The following MYT1 variants were observed in gnomAD, a reference collection of about 807,000 sequenced individuals.
MYT1 encodes the protein myelin transcription factor 1, also known as myelin transcription factor I.
Under a neutral mutation model 123.0 loss-of-function variants are expected in MYT1, and 23 were observed. That is an observed-to-expected ratio of 0.19 (90% CI 0.13 to 0.26). The LOEUF is 0.26. Ranked by LOEUF, MYT1 falls within the 10% of genes least tolerant of loss-of-function variation. MYT1 has a pLI of 1.00. For synonymous variants in MYT1, 518 were observed against 575.3 expected (o/e 0.90, Z 1.43); for missense variants, 1,125 against 1,472.5 (o/e 0.76, Z 3.86).
intron 1 of MYT1, among the ~76,000 whole-genome samples, chr20:64,165,240 C>T (rs1366813697): frequency 2.0e-5 from 3 of 151,870 alleles, no homozygotes; most frequent in Admixed American, 6.6e-5. Flanking sequence ...CTCACGTGAA[C>T]GTTTTGTCTG....
chr20:64,180,000 G>A (rs1007408058), intron 1 of MYT1, among the ~76,000 whole-genome samples: 16 of 144,120 alleles, frequency 1.1e-4, no homozygotes, highest in Middle Eastern at 3.8e-3. Flanking sequence ...ACACACATAC[G>A]CCACACACGC....
At chr20:64,239,699 A>G (rs1984654763) in intron 21 of MYT1, 61 bp from the exon 22 acceptor site, 1 of 1,603,404 alleles carries the variant, frequency 6.2e-7, no homozygotes. Flanking sequence ...CAGCCCAGAG[A>G]GGACCCCCAG....
rs1295168724 is a variant in MYT1 at position 64,237,334 on chromosome 20, G to T, written c.3037G>T (p.Asp1013Tyr). ...CAAGCAGCTGAACCAGGAGATCCGA[G>T]ACCTGAACGAGTCCAACTCGGAGAT... The part of the protein sequence containing the change: ...EIKQLNQEIR[D>Y]LNESNSEMEA... The change falls in exon 21 of 23, where the codon GAC becomes TAC. Residue 1013 changes from aspartate (D) to tyrosine (Y), a missense_variant. Asp to Tyr is a radical substitution (Grantham distance 160). This residue lies in a region of MYT1 where 243 missense variants were observed against 323.1 expected (regional missense o/e 0.75). Transcript: ENST00000328439. The T allele has an allele frequency of 1.2e-6, 2 of 1,611,100 alleles. No homozygotes were observed. The highest frequency in any genetic ancestry group is 1.7e-6 in the Non-Finnish European group (2 of 1,179,324).
Position 64,205,754 on chromosome 20 carries a change from T to A in MYT1, c.351T>A (p.Ala117=). 1 of 1,614,152 alleles carries A rather than the reference T, an allele frequency of 6.2e-7. No individual in the cohort carries two copies. Among genetic ancestry groups the A allele is most frequent in the Middle Eastern group, 1.6e-4 (1 of 6,062 alleles). ...ESEGTLEGAE[A]ETSGQDEIHR... ...AAGGAACTCTGGAGGGGGCCGAGGC[T>A]GAGACGTCAGGACAGGACGAGATTC... The change falls in exon 6 of 23, where the codon GCT becomes GCA. Residue 117 remains alanine, a synonymous_variant. Transcript: ENST00000328439.
chr20:64,208,142 G>C lies in MYT1; in HGVS notation c.946G>C (p.Asp316His), dbSNP rs1351575581. The C allele has an allele frequency of 6.2e-7, 1 of 1,612,862 alleles. No homozygotes were observed. The highest frequency in any genetic ancestry group is 1.7e-5 in the Admixed American group (1 of 59,980). ...EAAPDVIFQE[D>H]TSHTSAQKAP... ...AGCTCCTGATGTGATCTTTCAGGAA[G>C]ACACCTCTCACACCTCTGCCCAGAA... Residue 316 changes from aspartate to histidine, a missense_variant, in exon 7 of 23, where the codon GAC becomes CAC. By Grantham distance (81) the Asp-to-His change is moderately conservative (BLOSUM62 -1). Around this residue, in one of 4 missense-constraint regions of MYT1, gnomAD observed 406 missense variants for 432.2 expected, o/e 0.94. Transcript: ENST00000328439. This position sits in a 1 kb window ranked among gnomAD's most constrained non-coding sequence, Gnocchi z 5.4.
At chr20:64,216,588 T>G (rs1405839517) in intron 10 of MYT1, among the ~76,000 whole-genome samples, 1 of 152,252 alleles carries the variant, frequency 6.6e-6, no homozygotes, top group African/African-American at 2.4e-5. Flanking sequence ...GAAATGCACC[T>G]GATACAACTA....
At chr20:64,170,889 A>AGAGAGAGAGAGAGG (rs1982249770) in intron 1 of MYT1, among the ~76,000 whole-genome samples, 1 of 36,656 alleles carries the variant, frequency 2.7e-5, no homozygotes, top group Non-Finnish European at 5.0e-5. Context: ...ATATATAGAG[A>AGAGAGAGAGAGAGG]GAGAGAGAGA....
In MYT1 at chr20:64,186,503, C is replaced by T. The variant is rs903529317; in HGVS notation, c.-98-3560C>T. On this transcript the variant is annotated intron_variant, in intron 1 of 22. Transcript: ENST00000328439. The surrounding 1 kb of genome is among the most constrained non-coding windows in gnomAD (Gnocchi z 4.3). ...GCCATGGTGATGACAACAGCACTGA[C>T]GTCCTCATGGGTTCACTTCCAGGCT... Among the ~76,000 whole-genome samples the T allele has an allele frequency of 5.3e-5, 8 of 152,254 alleles. No individual in the cohort carries two copies. The highest frequency in any genetic ancestry group is 5.9e-5 in the Non-Finnish European group (4 of 68,036).
chr20:64,177,608 T>G lies in MYT1; in HGVS notation c.-98-12455T>G, dbSNP rs148669060. Among the ~76,000 whole-genome samples, 3 of 127,556 alleles carry G rather than the reference T, an allele frequency of 2.4e-5. No individual in the cohort carries two copies. In the South Asian group the frequency reaches 9.8e-4, roughly 42 times the overall value. 83.7% of individuals were successfully genotyped at this position (127,556 alleles called of 152,430 possible). On this transcript the variant is annotated intron_variant, in intron 1 of 22. Transcript: ENST00000328439. ...GCACCCCTCTCCAGGGGTGGGGACATGAGGGCACCCCTCTCCGGGGGCGGG... is the reference window on the plus strand; with the variant it reads ...GCACCCCTCTCCAGGGGTGGGGACAGGAGGGCACCCCTCTCCGGGGGCGGG...
rs545034286 is a variant in MYT1, at chr20:64,169,119, C to A, written c.-99+4380C>A. ...GAGCCTCTCACCTGGTCCTGGGGGA[C>A]CCTCCATGTCTCCCTCAGGGACCCA... On this transcript the variant is annotated intron_variant, in intron 1 of 22. Transcript: ENST00000328439. 2.0e-5 allele frequency among the ~76,000 whole-genome samples: 3 copies of A among 152,304 alleles called. No homozygotes were observed. In the South Asian group the frequency reaches 6.2e-4, roughly 32 times the overall value.
chr20:64,165,670 T>C (rs1183033405), intron 1 of MYT1, among the ~76,000 whole-genome samples: 1 of 152,148 alleles, frequency 6.6e-6, no homozygotes, highest in African/African-American at 2.4e-5. Context: ...TAAAGTTGGG[T>C]GTTTAATTTT....
intron 1 of MYT1, among the ~76,000 whole-genome samples, chr20:64,170,266 T>C (rs1982210705): frequency 6.6e-6 from 1 of 152,162 alleles, no homozygotes; most frequent in Admixed American, 6.5e-5. Flanking sequence ...TGTCTCACAT[T>C]TGAAATCCCG....
intron 1 of MYT1, among the ~76,000 whole-genome samples, chr20:64,169,331 G>C (rs372522832): frequency 6.6e-6 from 1 of 152,210 alleles, no homozygotes; most frequent in Non-Finnish European, 1.5e-5. Flanking sequence ...CCCGAGGCGC[G>C]TCCCCAATCC....
chr20:64,220,644 A>G (rs1983972672), intron 13 of MYT1, among the ~76,000 whole-genome samples: 1 of 152,270 alleles, frequency 6.6e-6, no homozygotes, highest in South Asian at 2.1e-4. Context: ...AGGGCAGCCC[A>G]GGGTCCAGGC....
rs900077076 is a variant in MYT1, at chr20:64,202,515, G to T, written c.87-2520G>T. On this transcript the variant is annotated intron_variant, in intron 4 of 22. Transcript: ENST00000328439. The surrounding 1 kb of genome is among the most constrained non-coding windows in gnomAD (Gnocchi z 5.0). Reference sequence around the variant, plus strand: ...ATCTCCAAGTTCAGAGAGAGAACACGTCTGTAGCTCACCCTTCTTCTTCTG... The same window carrying T: ...ATCTCCAAGTTCAGAGAGAGAACACTTCTGTAGCTCACCCTTCTTCTTCTG... Among the ~76,000 whole-genome samples, 5 of 152,100 alleles carry T rather than the reference G, an allele frequency of 3.3e-5. No individual in the cohort carries two copies. Among genetic ancestry groups the T allele is most frequent in the Admixed American group, 2.0e-4 (3 of 15,276 alleles).
chr20:64,205,023 A>G lies in MYT1; in HGVS notation c.87-12A>G, dbSNP rs1251706468. The G allele has an allele frequency of 6.2e-7, 1 of 1,613,528 alleles. No homozygotes were observed. Among genetic ancestry groups the G allele is most frequent in the Admixed American group, 1.7e-5 (1 of 59,968 alleles). The stretch of plus-strand genomic sequence containing the variant: ...TCGCCTGATGTGGCCTTGCCTTTTT[A>G]TTTCCCCTCAGCTGCCCCACCCCAG... On this transcript the variant is annotated splice_polypyrimidine_tract_variant and intron_variant, in intron 4 of 22. Coordinates refer to ENST00000328439, the MANE Select transcript of MYT1 (RefSeq NM_004535.3).
rs145148281 is a variant in MYT1 at position 64,232,823 on chromosome 20, G to A, written c.2897+438G>A. 7.5e-5 allele frequency among the ~76,000 whole-genome samples: 11 copies of A among 146,416 alleles called. No individual in the cohort carries two copies. The highest frequency in any genetic ancestry group is 2.7e-4 in the Admixed American group (4 of 15,056). ...GTCTCCTACACCTTATGCCCTGTCC[G>A]TCCCATTCATGCCTCTTCTTTGAAC... On this transcript the variant is annotated intron_variant, in intron 19 of 22. Transcript: ENST00000328439. The surrounding 1 kb of genome is among the most constrained non-coding windows in gnomAD (Gnocchi z 6.9).
intron 4 of MYT1, among the ~76,000 whole-genome samples, chr20:64,201,900 TGTGTCGGGAACCCCCGC>T (rs1568708006): frequency 1.3e-4 from 15 of 115,514 alleles, no homozygotes; most frequent in East Asian, 4.9e-4. Context: ...GGAACCCCCG[TGTGTCGGGAACCCCCGC>T]GTGTCGGGAA....
intron 18 of MYT1, among the ~76,000 whole-genome samples, chr20:64,229,576 A>G (rs1309045734): frequency 6.6e-6 from 1 of 152,192 alleles, no homozygotes; most frequent in Non-Finnish European, 1.5e-5. Flanking sequence ...TCCGTTTTAC[A>G]GGGTTCCTTC....
Sources: allele counts gnomAD v4.1 joint callset (sites outside exome capture counted in the v4.1 genomes callset), GRCh38; gene constraint gnomAD v4.1.1; regional missense constraint gnomAD v4.1.1; non-coding constraint Gnocchi (gnomAD v3.1); transcripts MANE v1.5; gene names NCBI Gene and HGNC (gene_info 2026-07-23, HGNC 2026-07-21).